Variants in SYT17 observed in about 807,000 individuals in gnomAD.
SYT17 encodes the protein synaptotagmin 17.
Under a neutral mutation model 46.7 loss-of-function variants are expected in SYT17, and 22 were observed. That is an observed-to-expected ratio of 0.47 (90% confidence interval 0.34 to 0.67). The LOEUF is 0.67. SYT17 is among the 30% of genes least tolerant of loss of function. The pLI is 0.01. For synonymous variants in SYT17, 251 were observed against 248.4 expected (o/e 1.01, Z -0.10); for missense variants, 519 against 612.8 (o/e 0.85, Z 1.62).
At chr16:19,182,131 C>T (rs542867616) in intron 4 of SYT17, among the ~76,000 whole-genome samples, 1 of 147,068 alleles carries the variant, frequency 6.8e-6, no homozygotes, top group South Asian at 2.2e-4. Flanking sequence ...ATTAATTTTG[C>T]AGGCTGGGCG....
At chr16:19,210,491 ATTT>A (rs35383401) in intron 5 of SYT17, among the ~76,000 whole-genome samples, 1 of 146,622 alleles carries the variant, frequency 6.8e-6, no homozygotes. Flanking sequence ...TTTAAAGGGT[ATTT>A]TTTTTTTTTA....
Position 19,211,116 on chromosome 16 carries a change from T to C in SYT17, c.952-11929T>C, listed in dbSNP as rs983292681. The C allele has an allele frequency of 4.9e-5, 14 of 288,100 alleles. No homozygotes were observed. The East Asian group carries it at 8.8e-4, about 18-fold the overall frequency. The allele number at this position is 288,100 out of a possible 1,614,324, so 17.8% of individuals were successfully genotyped here. On this transcript the variant is annotated intron_variant, in intron 5 of 7. Transcript: ENST00000355377. ...TAATTTACAGATTGTCTATTTTGGT[T>C]CTCCCTAGCCCACCCCACGTGGTTC...
At chr16:19,255,091 T>C in intron 7 of SYT17, among the ~76,000 whole-genome samples, 1 of 152,194 alleles carries the variant, frequency 6.6e-6, no homozygotes, top group Admixed American at 6.6e-5. Flanking sequence ...AAATTTGTTT[T>C]CTGTGCTGAG....
At chr16:19,188,033 C>T (rs1184029038) in intron 5 of SYT17, among the ~76,000 whole-genome samples, 3 of 152,098 alleles carry the variant, frequency 2.0e-5, no homozygotes, top group East Asian at 1.9e-4. Context: ...CACATGCATG[C>T]GTTATGTTCA....
intron 7 of SYT17, among the ~76,000 whole-genome samples, chr16:19,239,983 C>T (rs1002330856): frequency 6.6e-6 from 1 of 152,222 alleles, no homozygotes; most frequent in African/African-American, 2.4e-5. Context: ...AGGATCACCA[C>T]AAGCAGCTTC....
chr16:19,229,580 A>C (rs1373068522), intron 7 of SYT17, among the ~76,000 whole-genome samples: 3 of 152,228 alleles, frequency 2.0e-5, no homozygotes, highest in Admixed American at 2.0e-4. Flanking sequence ...ACAATTTCAC[A>C]TGAGATTTGG....
Position 19,168,454 on chromosome 16 carries a change from G to C in SYT17, c.-193G>C. ...CGGCCCCGATTCCGAGAGCCGGAAC[G>C]CAGGGAAAGGCAAGGACGGGGCGGC... On this transcript the variant is annotated 5_prime_UTR_variant, in exon 1 of 8. Coordinates refer to ENST00000355377, the MANE Select transcript of SYT17 (RefSeq NM_016524.4). This position sits in a 1 kb window ranked among gnomAD's most constrained non-coding sequence, Gnocchi z 6.9. 7 of 694,666 alleles carry C rather than the reference G, an allele frequency of 1.0e-5. No individual in the cohort carries two copies. Among genetic ancestry groups the C allele is most frequent in the Non-Finnish European group, 1.6e-5 (7 of 432,150 alleles). The allele number at this position is 694,666 out of a possible 1,614,324, so 43.0% of individuals were successfully genotyped here.
rs369599460 is a variant in SYT17 at position 19,236,660 on chromosome 16, C to A, written c.1228+11822C>A. 4.4e-3 allele frequency among the ~76,000 whole-genome samples: 675 copies of A among 152,266 alleles called. 3 individuals carry two copies. Among genetic ancestry groups the A allele is most frequent in the African/African-American group, 0.015 (642 of 41,548 alleles). The stretch of plus-strand genomic sequence containing the variant: ...AATTAAAATCAGCCAAGGGAGGAGA[C>A]GCATAGGGCAGAGTCCAGGAGGGGT... On this transcript the variant is annotated intron_variant, in intron 7 of 7. Coordinates refer to ENST00000355377, the MANE Select transcript of SYT17 (RefSeq NM_016524.4).
chr16:19,191,225 T>A (rs1305581018), intron 5 of SYT17, among the ~76,000 whole-genome samples: 1 of 152,030 alleles, frequency 6.6e-6, no homozygotes, highest in Non-Finnish European at 1.5e-5. Flanking sequence ...GTTAATGATA[T>A]GCCGAAATGT....
chr16:19,222,840 A>C (rs1421919285), intron 5 of SYT17, among the ~76,000 whole-genome samples: 1 of 152,178 alleles, frequency 6.6e-6, no homozygotes, highest in Non-Finnish European at 1.5e-5. Context: ...CTGTTGAGTG[A>C]TCTAAGAGCG....
chr16:19,240,646 C>A (rs1402880481), intron 7 of SYT17, among the ~76,000 whole-genome samples: 1 of 152,216 alleles, frequency 6.6e-6, no homozygotes, highest in Non-Finnish European at 1.5e-5. Flanking sequence ...GGTCCCCAGG[C>A]TTCAGGCCCT....
intron 6 of SYT17, among the ~76,000 whole-genome samples, chr16:19,224,292 A>G (rs1171862775): frequency 6.6e-6 from 1 of 152,176 alleles, no homozygotes; most frequent in Non-Finnish European, 1.5e-5. Context: ...AAATGAACAC[A>G]ATGCTGACAT....
intron 3 of SYT17, among the ~76,000 whole-genome samples, chr16:19,176,302 T>A (rs1469735732): frequency 6.6e-6 from 1 of 152,102 alleles, no homozygotes; most frequent in Non-Finnish European, 1.5e-5. Flanking sequence ...CTGGCTCGGG[T>A]TATGTACCAA....
intron 5 of SYT17, among the ~76,000 whole-genome samples, chr16:19,217,901 A>G (rs1966157233): frequency 6.6e-6 from 1 of 152,150 alleles, no homozygotes; most frequent in Non-Finnish European, 1.5e-5. Flanking sequence ...ATTTGTTTTT[A>G]TATCTTCCTT....
intron 5 of SYT17, among the ~76,000 whole-genome samples, chr16:19,201,712 T>C (rs114508447): frequency 0.014 from 2,089 of 151,280 alleles, 64 homozygotes; most frequent in African/African-American, 0.049. Flanking sequence ...TCTATTAGAT[T>C]CTTACAGTGT....
rs143448107 is a variant in SYT17 at position 19,231,523 on chromosome 16, CAAAAAAA to C, written c.1228+6706_1228+6712del. Reference sequence around the variant, plus strand: ...GGGCAACAAGAGTGAAACTCCATCACAAAAAAAAAAAAAAAAAAAAAAAAAAAGAAAA... The same window carrying C: ...GGGCAACAAGAGTGAAACTCCATCACAAAAAAAAAAAAAAAAAAAAGAAAA... On this transcript the variant is annotated intron_variant, in intron 7 of 7. Transcript: ENST00000355377. Among the ~76,000 whole-genome samples, 240 of 45,852 alleles carry C rather than the reference CAAAAAAA, an allele frequency of 5.2e-3. 1 individual carries two copies. Among genetic ancestry groups the C allele is most frequent in the African/African-American group, 0.016 (222 of 13,990 alleles). 30.1% of individuals were successfully genotyped at this position (45,852 alleles called of 152,430 possible).
intron 1 of SYT17, among the ~76,000 whole-genome samples, chr16:19,169,175 C>A (rs1427985062): frequency 2.0e-5 from 3 of 152,048 alleles, no homozygotes; most frequent in African/African-American, 7.2e-5. Context: ...AGGCCAGAGG[C>A]GCGCTGGTGA....
At chr16:19,234,068 G>C (rs994905346) in intron 7 of SYT17, among the ~76,000 whole-genome samples, 1 of 152,184 alleles carries the variant, frequency 6.6e-6, no homozygotes, top group African/African-American at 2.4e-5. Flanking sequence ...ACTCATACCT[G>C]TAATCCCAGC....
chr16:19,172,311 G>C (rs1360609906), intron 1 of SYT17: 1 of 1,316,910 alleles, frequency 7.6e-7, no homozygotes, highest in African/African-American at 1.5e-5. Flanking sequence ...GCCTCCGGGA[G>C]GGCGGGGGAG....
Sources: gnomAD v4.1 joint callset for allele counts (sites outside exome capture counted in the v4.1 genomes callset) on GRCh38, gnomAD v4.1.1 for gene constraint, Gnocchi (gnomAD v3.1) non-coding constraint, MANE v1.5 for transcripts, NCBI Gene and HGNC (gene_info 2026-07-23, HGNC 2026-07-21) for gene names.